The following VPS37C variants were observed in gnomAD, a reference collection of about 807,000 sequenced individuals.
VPS37C encodes the protein VPS37C subunit of ESCRT-I.
Under a neutral mutation model 16.1 loss-of-function variants are expected in VPS37C, and 9 were observed. The observed-to-expected ratio is 0.56, with a 90% confidence interval of 0.34 to 0.97. The LOEUF is 0.97. Ranked by LOEUF, VPS37C falls within the 50% of genes least tolerant of loss-of-function variation. VPS37C has a pLI of 0.02. For synonymous variants in VPS37C, 207 were observed against 206.4 expected (o/e 1.00, Z -0.02); for missense variants, 479 against 472.7 (o/e 1.01, Z -0.12).
intron 1 of VPS37C, among the ~76,000 whole-genome samples, chr11:61,140,586 C>G (rs1043837200): frequency 1.3e-5 from 2 of 152,230 alleles, no homozygotes; most frequent in African/African-American, 4.8e-5. Context: ...CAGCCCCTCC[C>G]ACAGAGCTCT....
chr11:61,143,055 T>C (rs1861501405), intron 1 of VPS37C, among the ~76,000 whole-genome samples: 1 of 150,334 alleles, frequency 6.7e-6, no homozygotes, highest in Non-Finnish European at 1.5e-5. Context: ...TGCCACTTAC[T>C]GTGTCATCTA....
At chr11:61,132,688 G>T in intron 4 of VPS37C, 149 bp from the exon 5 acceptor site, 1 of 1,012,364 alleles carries the variant, frequency 9.9e-7, no homozygotes, top group Non-Finnish European at 1.4e-6. Flanking sequence ...CCTTCTCACA[G>T]CTGACATATG....
chr11:61,130,763 G>T lies in VPS37C; in HGVS notation c.*1057C>A, dbSNP rs1861238297. Reference sequence around the variant, plus strand: ...GAAGACAGGGAGGTGTGAAAAAATTGCCCCTAATGTAGTGATGGTGTTTTT... The same window carrying T: ...GAAGACAGGGAGGTGTGAAAAAATTTCCCCTAATGTAGTGATGGTGTTTTT... On this transcript the variant is annotated 3_prime_UTR_variant, in exon 5 of 5. Transcript: ENST00000301765. 2 of 420,596 alleles carry T rather than the reference G, an allele frequency of 4.8e-6. No individual in the cohort carries two copies. The highest frequency in any genetic ancestry group is 4.3e-5 in the African/African-American group (2 of 46,954). 26.1% of individuals were successfully genotyped at this position (420,596 alleles called of 1,614,324 possible).
intron 1 of VPS37C, among the ~76,000 whole-genome samples, chr11:61,158,705 G>T (rs1180797588): frequency 1.3e-5 from 2 of 152,204 alleles, no homozygotes; most frequent in Non-Finnish European, 2.9e-5. Flanking sequence ...TCACTGGGGA[G>T]ACTCTCTCTC....
intron 1 of VPS37C, among the ~76,000 whole-genome samples, chr11:61,152,449 T>C (rs1478075260): frequency 6.6e-6 from 1 of 152,124 alleles, no homozygotes; most frequent in Non-Finnish European, 1.5e-5. Context: ...TCTGGACTCA[T>C]TTTCATCCTT....
intron 1 of VPS37C, among the ~76,000 whole-genome samples, chr11:61,148,990 C>T (rs529282673): frequency 2.0e-5 from 3 of 152,314 alleles, no homozygotes; most frequent in Non-Finnish European, 2.9e-5. Flanking sequence ...GTTAAGACTA[C>T]GTGAAGAGGG....
rs139785019 is a variant in VPS37C at position 61,150,214 on chromosome 11, C to T, written c.-7+11177G>A. 3.7e-3 allele frequency among the ~76,000 whole-genome samples: 556 copies of T among 152,314 alleles called. 2 individuals are homozygous for T. The highest frequency in any genetic ancestry group is 6.1e-3 in the Non-Finnish European group (414 of 68,012). ...TCAGCTCAGACATGTGGGTCCCCCC[C>T]ACCCCTGATGTCCAATCACCAAGTT... On this transcript the variant is annotated intron_variant, in intron 1 of 4. Transcript: ENST00000301765.
At chr11:61,134,782 T>C (rs993695871) in intron 2 of VPS37C, among the ~76,000 whole-genome samples, 6 of 152,232 alleles carry the variant, frequency 3.9e-5, no homozygotes, top group Non-Finnish European at 8.8e-5. Flanking sequence ...ACATGTGTCC[T>C]GCAGAGAAGC....
chr11:61,141,790 G>A (rs555320931), intron 1 of VPS37C, among the ~76,000 whole-genome samples: 2 of 152,360 alleles, frequency 1.3e-5, no homozygotes, highest in South Asian at 4.1e-4. Context: ...TCCACCCAAG[G>A]GGAGGCCCAC....
intron 1 of VPS37C, among the ~76,000 whole-genome samples, chr11:61,141,492 A>C (rs1590788117): frequency 6.6e-6 from 1 of 152,002 alleles, no homozygotes; most frequent in Non-Finnish European, 1.5e-5. Context: ...CCAAATCCAA[A>C]CCCAAATGAG....
chr11:61,150,670 T>G (rs2134650819), intron 1 of VPS37C, among the ~76,000 whole-genome samples: 1 of 151,918 alleles, frequency 6.6e-6, no homozygotes, highest in East Asian at 1.9e-4. Context: ...CACAGCTCAG[T>G]TTCCCCCTTG....
intron 1 of VPS37C, among the ~76,000 whole-genome samples, chr11:61,158,641 T>C (rs978473800): frequency 1.3e-5 from 2 of 152,204 alleles, no homozygotes; most frequent in Non-Finnish European, 2.9e-5. Context: ...GAACTAAAAA[T>C]ACTAACAGGT....
intron 1 of VPS37C, among the ~76,000 whole-genome samples, chr11:61,140,597 G>A (rs1324792211): frequency 2.6e-5 from 4 of 152,218 alleles, no homozygotes; most frequent in South Asian, 2.1e-4. Context: ...ACAGAGCTCT[G>A]CATTAGTAGG....
At chr11:61,157,017 A>G (rs1853388117) in intron 1 of VPS37C, among the ~76,000 whole-genome samples, 1 of 152,246 alleles carries the variant, frequency 6.6e-6, no homozygotes, top group South Asian at 2.1e-4. Context: ...GGCAGGTTTC[A>G]CTTAGGATAA....
chr11:61,157,796 A>G (rs947631297), intron 1 of VPS37C, among the ~76,000 whole-genome samples: 2 of 152,202 alleles, frequency 1.3e-5, no homozygotes, highest in African/African-American at 2.4e-5. Context: ...TTGATTTCCA[A>G]TGTTGGAGGT....
intron 1 of VPS37C, among the ~76,000 whole-genome samples, chr11:61,142,606 G>C (rs966400337): frequency 1.3e-5 from 2 of 151,962 alleles, no homozygotes; most frequent in African/African-American, 4.8e-5. Context: ...CATGATCATG[G>C]GTCATGCAGC....
At chr11:61,147,392 T>G (rs922272570) in intron 1 of VPS37C, among the ~76,000 whole-genome samples, 1 of 152,156 alleles carries the variant, frequency 6.6e-6, no homozygotes, top group Non-Finnish European at 1.5e-5. Context: ...CATTACTTTA[T>G]ATCTTGACTA....
intron 1 of VPS37C, among the ~76,000 whole-genome samples, chr11:61,148,210 C>T (rs544616213): frequency 5.4e-4 from 82 of 152,264 alleles, no homozygotes; most frequent in African/African-American, 1.9e-3. Context: ...AGCTGAAGCA[C>T]GGCTCCCAGC....
intron 1 of VPS37C, among the ~76,000 whole-genome samples, chr11:61,153,104 T>C (rs903034790): frequency 9.9e-5 from 15 of 152,238 alleles, no homozygotes; most frequent in Non-Finnish European, 1.6e-4. Context: ...TATAAGGTGA[T>C]ATGGTTTGGC....
Sources: gnomAD v4.1 joint callset for allele counts (sites outside exome capture counted in the v4.1 genomes callset) on GRCh38, gnomAD v4.1.1 for gene constraint, MANE v1.5 for transcripts, NCBI Gene and HGNC (gene_info 2026-07-23, HGNC 2026-07-21) for gene names.